KIF1A: variants seen among roughly 807,000 people sequenced by gnomAD.
KIF1A encodes kinesin-like protein KIF1A.
KIF1A carries 46 observed loss-of-function variants against 227.3 expected under a neutral mutation model. That is an observed-to-expected ratio of 0.20 (90% CI 0.16 to 0.26). The LOEUF (loss-of-function observed/expected upper bound fraction) is 0.26. Among genes scored for constraint, KIF1A ranks in the 10% least tolerant of loss-of-function variants. KIF1A has a pLI of 1.00. For missense variants in KIF1A, 1,683 were observed against 2,485.9 expected, an observed-to-expected ratio of 0.68 and a Z score of 6.87; for synonymous variants, 1,022 against 1,012.8, an observed-to-expected ratio of 1.01 and a Z score of -0.17.
At chr2:240,786,556 G>T in intron 5 of KIF1A, 43 bp from the exon 6 acceptor site, 1 of 1,595,116 alleles carries the variant, frequency 6.3e-7, no homozygotes, top group Non-Finnish European at 8.6e-7. Context: ...TGAGGCGAGG[G>T]AGTGGGGCTG....
rs571736481 is a variant in KIF1A at position 240,785,120 on chromosome 2, G to T, written c.609-20C>A. 2 of 1,593,296 alleles carry T rather than the reference G, an allele frequency of 1.3e-6. No individual in the cohort carries two copies. The highest frequency in any genetic ancestry group is 1.7e-6 in the Non-Finnish European group (2 of 1,163,704). On this transcript the variant is annotated intron_variant, in intron 6 of 48. Coordinates refer to ENST00000498729, the MANE Select transcript of KIF1A (RefSeq NM_001244008.2). ...ACGGTCCTGAGGAGCAGAAAGCCACGCACGGTTACCCCTCGTCCTGTGGCC... is the reference window on the plus strand; with the variant it reads ...ACGGTCCTGAGGAGCAGAAAGCCACTCACGGTTACCCCTCGTCCTGTGGCC...
intron 32 of KIF1A, 55 bp from the exon 33 acceptor site, chr2:240,744,115 G>T: frequency 8.5e-7 from 1 of 1,172,360 alleles, no homozygotes; most frequent in Non-Finnish European, 1.3e-6. Context: ...ACATTCAAGG[G>T]GGAAGGAGAG....
intron 23 of KIF1A, among the ~76,000 whole-genome samples, 173 bp from the exon 24 acceptor site, chr2:240,761,550 A>C (rs1367671494): frequency 6.6e-6 from 1 of 152,156 alleles, no homozygotes; most frequent in Non-Finnish European, 1.5e-5. Context: ...GGAAGGCTGG[A>C]AGGTTACTCC....
intron 28 of KIF1A, chr2:240,748,703 C>T: frequency 3.2e-6 from 1 of 314,750 alleles, no homozygotes; most frequent in South Asian, 2.6e-5. Context: ...CTGGTGTTCA[C>T]CCTCACTCCC....
intron 1 of KIF1A, among the ~76,000 whole-genome samples, chr2:240,799,245 G>T (rs553328461): frequency 3.4e-4 from 52 of 152,164 alleles, no homozygotes; most frequent in Non-Finnish European, 5.9e-4. Flanking sequence ...AGCAGGAAGG[G>T]TCTGTCTGCA....
chr2:240,796,909 T>A (rs993642389), intron 2 of KIF1A, among the ~76,000 whole-genome samples: 1 of 151,908 alleles, frequency 6.6e-6, no homozygotes, highest in African/African-American at 2.4e-5. Flanking sequence ...GACGCCCCCC[T>A]CCCCACCTGG....
rs2044686070 is a variant in KIF1A, at chr2:240,717,411, A to G, written c.5334-5T>C. On this transcript the variant is annotated splice_polypyrimidine_tract_variant and splice_region_variant and intron_variant, in intron 48 of 48. Transcript: ENST00000498729. ...CTCCTTCTGGAGAGCTTGGACCTGC[A>G]GAAGAGTTGGGAGAGGCGGCGTGGT... The G allele has an allele frequency of 1.9e-6, 3 of 1,611,008 alleles. No homozygotes were observed. Among genetic ancestry groups the G allele is most frequent in the Admixed American group, 1.7e-5 (1 of 59,984 alleles).
rs143450909 is a variant in KIF1A at position 240,788,565 on chromosome 2, G to C, written c.184-335C>G. Among the ~76,000 whole-genome samples the C allele has an allele frequency of 6.6e-6, 1 of 152,270 alleles. No individual in the cohort carries two copies. Among genetic ancestry groups the C allele is most frequent in the Non-Finnish European group, 1.5e-5 (1 of 68,026 alleles). ...GACAAGCAGGGGTGACAAGAGCTGA[G>C]ACTGGGGACAGGGTGCAAAGGCCCA... On this transcript the variant is annotated intron_variant, in intron 3 of 48. Coordinates refer to ENST00000498729, the MANE Select transcript of KIF1A (RefSeq NM_001244008.2). This position sits in a 1 kb window ranked among gnomAD's most constrained non-coding sequence, Gnocchi z 6.6.
Position 240,756,595 on chromosome 2 carries a change from T to C in KIF1A, c.2858+724A>G, listed in dbSNP as rs1575580306. ...GCATTGGGCCACATGCCGCCATCTC[T>C]GGCCATGACAACCGAGGAGGTCAGG... On this transcript the variant is annotated intron_variant, in intron 27 of 48. Coordinates refer to ENST00000498729, the MANE Select transcript of KIF1A (RefSeq NM_001244008.2). Among the ~76,000 whole-genome samples the C allele has an allele frequency of 2.6e-5, 4 of 152,380 alleles. No homozygotes were observed. The South Asian group carries it at 8.3e-4, about 32-fold the overall frequency.
intron 5 of KIF1A, among the ~76,000 whole-genome samples, 197 bp from the exon 6 acceptor site, chr2:240,786,710 ACCCCTG>A (rs2054861190): frequency 9.5e-6 from 1 of 105,598 alleles, no homozygotes; most frequent in Non-Finnish European, 2.0e-5. Context: ...CAGCATCAGG[ACCCCTG>A]AGTGAGGGGG....
Position 240,736,937 on chromosome 2 carries a change from G to C in KIF1A, c.4007+126C>G. 1 of 771,794 alleles carries C rather than the reference G, an allele frequency of 1.3e-6. No individual in the cohort carries two copies. Among genetic ancestry groups the C allele is most frequent in the Admixed American group, 2.0e-5 (1 of 50,894 alleles). The allele number at this position is 771,794 out of a possible 1,614,324, so 47.8% of individuals were successfully genotyped here. A position where few individuals can be genotyped will look rare whatever the true frequency, so the allele number is the denominator to read the frequency against. ...CACCGCACAGCTCCTGCAGGTGCCA[G>C]GAGGGAGGGCCGGGAGAGCGTTGAG... is the stretch of plus-strand genomic sequence containing the variant. On this transcript the variant is annotated intron_variant, in intron 38 of 48. Coordinates refer to ENST00000498729, the MANE Select transcript of KIF1A (RefSeq NM_001244008.2). This position sits in a 1 kb window ranked among gnomAD's most constrained non-coding sequence, Gnocchi z 4.7.
chr2:240,770,237 C>T (rs1267588206), intron 15 of KIF1A, among the ~76,000 whole-genome samples: 1 of 152,204 alleles, frequency 6.6e-6, no homozygotes, highest in African/African-American at 2.4e-5. Context: ...GGCTCACCTG[C>T]CCCTGCACAG....
Position 240,750,540 on chromosome 2 carries a change from C to T in KIF1A, c.2866G>A (p.Val956Met), listed in dbSNP as rs749709329. 9.3e-6 allele frequency: 15 copies of T among 1,613,114 alleles called. No homozygotes were observed. Among genetic ancestry groups the T allele is most frequent in the East Asian group, 6.7e-5 (3 of 44,888 alleles). ...PLFSLVGRAF[V>M]YLSNLLYPVP... ...GGGTACAGCAGGTTGCTCAGGTACA[C>T]GAAGGCCCTGGGGAGAAGCAGAGGC... The change falls in exon 28 of 49, where the codon GTG (valine) becomes ATG (methionine). Residue 956 changes from valine to methionine, a missense_variant. Physicochemically the swap from Val to Met is conservative, Grantham distance 21. Transcript: ENST00000498729.
rs201653410 is a variant in KIF1A at position 240,740,087 on chromosome 2, C to A, written c.3872G>T (p.Arg1291Leu). Reference protein sequence around the residue: ...TLLHETGSHIRWKEVRELVVG... With the variant: ...TLLHETGSHILWKEVRELVVG... ...GACCAGCTCGCGCACTTCCTTCCAG[C>A]GGATATGGCTGCCTGTCTCATGCAG... Residue 1291 changes from arginine (R) to leucine (L), a missense_variant, in exon 37 of 49, where the codon CGC (arginine) becomes CTC (leucine). Transcript: ENST00000498729. This position sits in a 1 kb window ranked among gnomAD's most constrained non-coding sequence, Gnocchi z 6.1. The A allele has an allele frequency of 2.5e-6, 4 of 1,590,150 alleles. No individual in the cohort carries two copies. The highest frequency in any genetic ancestry group is 1.8e-5 in the Admixed American group (1 of 56,890).
intron 38 of KIF1A, among the ~76,000 whole-genome samples, chr2:240,727,781 A>C (rs1369599694): frequency 6.6e-6 from 1 of 152,186 alleles, no homozygotes; most frequent in African/African-American, 2.4e-5. Context: ...ACGTTCCGCA[A>C]ACACCTTGGG....
At chr2:240,743,354 G>A (rs2048219055) in intron 33 of KIF1A, among the ~76,000 whole-genome samples, 1 of 152,346 alleles carries the variant, frequency 6.6e-6, no homozygotes, top group Non-Finnish European at 1.5e-5. Flanking sequence ...GAGATGGGAA[G>A]AAAGGGCCCA....
chr2:240,784,816 C>CG lies in KIF1A; in HGVS notation c.720+172dup, dbSNP rs71404665. ...AGGCATGGGAGAAGGGCCTCTGGGG[C>CG]GGGGGGGGGGACGTCCACACCTGGT... On this transcript the variant is annotated intron_variant, in intron 7 of 48. Transcript: ENST00000498729. Among the ~76,000 whole-genome samples the CG allele has an allele frequency of 5.9e-3, 812 of 138,044 alleles. 7 individuals carry two copies. Among genetic ancestry groups the CG allele is most frequent in the East Asian group, 0.02 (90 of 4,444 alleles). 90.6% of individuals were successfully genotyped at this position (138,044 alleles called of 152,430 possible).
At chr2:240,729,276 C>T (rs1349549799) in intron 38 of KIF1A, among the ~76,000 whole-genome samples, 1 of 141,214 alleles carries the variant, frequency 7.1e-6, no homozygotes, top group Non-Finnish European at 1.5e-5. Context: ...CCCTAAAGGG[C>T]CTCAGCTTGC....
chr2:240,799,377 T>C (rs2056745995), intron 1 of KIF1A, among the ~76,000 whole-genome samples: 1 of 152,214 alleles, frequency 6.6e-6, no homozygotes, highest in Non-Finnish European at 1.5e-5. Context: ...GGGGCAGGGC[T>C]GTCCCTCAGG....
Sources: allele counts gnomAD v4.1 joint callset (sites outside exome capture counted in the v4.1 genomes callset), GRCh38; gene constraint gnomAD v4.1.1; non-coding constraint Gnocchi (gnomAD v3.1); transcripts MANE v1.5; gene names NCBI Gene and HGNC (gene_info 2026-07-23, HGNC 2026-07-21).